FSTL4: variants seen among roughly 807,000 people sequenced by gnomAD.
The protein encoded by FSTL4 is follistatin-related protein 4.
A neutral mutation model predicts 78.2 loss-of-function variants in FSTL4; 28 were observed. That is an observed-to-expected ratio of 0.36 (90% confidence interval 0.27 to 0.49). The LOEUF (loss-of-function observed/expected upper bound fraction) is 0.49. Ranked by LOEUF, FSTL4 falls within the 20% of genes least tolerant of loss-of-function variation. The probability of loss-of-function intolerance (pLI) is 0.98; values close to 1 mark genes in which losing one functional copy is unlikely to be tolerated. For missense variants in FSTL4, 922 were observed against 1,084.9 expected (o/e 0.85, Z 2.11); for synonymous variants, 422 against 440.5 (o/e 0.96, Z 0.53).
intron 2 of FSTL4, among the ~76,000 whole-genome samples, chr5:133,572,266 T>C (rs765878092): frequency 6.6e-6 from 1 of 152,174 alleles, no homozygotes; most frequent in African/African-American, 2.4e-5. Context: ...CCATCTTTAG[T>C]TTTTAATTTT....
chr5:133,320,421 TC>T (rs1346911110), intron 4 of FSTL4, among the ~76,000 whole-genome samples: 3 of 151,912 alleles, frequency 2.0e-5, no homozygotes, highest in Admixed American at 6.6e-5. Context: ...AGCTAAAGGC[TC>T]CCTCCCCTCT....
chr5:133,461,375 A>G (rs1463466672), intron 3 of FSTL4, among the ~76,000 whole-genome samples: 1 of 152,220 alleles, frequency 6.6e-6, no homozygotes, highest in Non-Finnish European at 1.5e-5. Flanking sequence ...GGCCTCTTGC[A>G]AGGGACTTAA....
rs576846626 is a variant in FSTL4 at position 133,232,918 on chromosome 5, T to A, written c.1015+499A>T. Among the ~76,000 whole-genome samples the A allele has an allele frequency of 4.6e-5, 7 of 152,336 alleles. No individual in the cohort carries two copies. The East Asian group carries it at 1.3e-3, about 29-fold the overall frequency. On this transcript the variant is annotated intron_variant, in intron 8 of 15. Coordinates refer to ENST00000265342, the MANE Select transcript of FSTL4 (RefSeq NM_015082.2). The stretch of plus-strand genomic sequence containing the variant: ...AGCTTCCAAGCCTCAGTTTCTGTCC[T>A]GGCTTGGCTAAGATGAGGCTCATTG...
At chr5:133,805,828 G>A in the FSTL4 span, among the ~76,000 whole-genome samples, 1 of 152,212 alleles carries the variant, frequency 6.6e-6, no homozygotes, top group African/African-American at 2.4e-5. Flanking sequence ...CCAGCCCTCA[G>A]TTCCTTGCCA....
Position 133,468,828 on chromosome 5 carries a change from C to A in FSTL4, c.161-67842G>T, listed in dbSNP as rs571100147. 2.6e-5 allele frequency among the ~76,000 whole-genome samples: 4 copies of A among 152,290 alleles called. No individual in the cohort carries two copies. In the East Asian group the frequency reaches 7.7e-4, roughly 29 times the overall value. ...CCAGCTCAGTGCGGGAAACAGACGG[C>A]TACCCAACCAACATGCAGAATGACC... On this transcript the variant is annotated intron_variant, in intron 3 of 15. Coordinates refer to ENST00000265342, the MANE Select transcript of FSTL4 (RefSeq NM_015082.2).
intron 3 of FSTL4, among the ~76,000 whole-genome samples, chr5:133,482,255 C>T (rs1035879809): frequency 2.6e-5 from 4 of 152,204 alleles, no homozygotes; most frequent in African/African-American, 9.6e-5. Flanking sequence ...TCTGATAATC[C>T]AGACTATCCT....
intron 3 of FSTL4, among the ~76,000 whole-genome samples, chr5:133,421,200 G>T (rs553159679): frequency 6.6e-6 from 1 of 152,370 alleles, no homozygotes; most frequent in Non-Finnish European, 1.5e-5. Context: ...CAAGGGTATG[G>T]CTGTCACTGC....
intron 7 of FSTL4, among the ~76,000 whole-genome samples, chr5:133,243,394 T>G (rs565600309): frequency 5.3e-5 from 8 of 152,342 alleles, no homozygotes; most frequent in Non-Finnish European, 1.0e-4. Flanking sequence ...CAATTCCACG[T>G]GCTGGTCTCA....
the FSTL4 span, among the ~76,000 whole-genome samples, chr5:133,632,990 C>CCTCCACAGTTTTTAATA: frequency 2.0e-5 from 3 of 152,170 alleles, no homozygotes; most frequent in Non-Finnish European, 2.9e-5. Context: ...GCCTGCCCAG[C>CCTCCACAGTTTTTAATA]CTCCACAGTT....
chr5:133,729,813 A>AC, the FSTL4 span, among the ~76,000 whole-genome samples: 1 of 151,190 alleles, frequency 6.6e-6, no homozygotes, highest in Non-Finnish European at 1.5e-5. Context: ...GTATTACCCC[A>AC]CCCCCCAATC....
the FSTL4 span, among the ~76,000 whole-genome samples, chr5:133,683,814 G>C: frequency 6.6e-6 from 1 of 152,304 alleles, no homozygotes; most frequent in Middle Eastern, 3.4e-3. Context: ...GAAAGGCAAG[G>C]CACCTGCTTC....
intron 4 of FSTL4, among the ~76,000 whole-genome samples, chr5:133,385,043 C>T (rs1478606616): frequency 6.6e-6 from 1 of 152,164 alleles, no homozygotes; most frequent in Non-Finnish European, 1.5e-5. Flanking sequence ...ACAGACTGGA[C>T]GTGCTCCGTT....
chr5:133,411,191 A>G (rs1225498630), intron 3 of FSTL4, among the ~76,000 whole-genome samples: 3 of 152,194 alleles, frequency 2.0e-5, no homozygotes, highest in African/African-American at 7.2e-5. Context: ...GTTGCCTTCA[A>G]ACAGGCTATG....
intron 4 of FSTL4, among the ~76,000 whole-genome samples, chr5:133,351,180 GT>G (rs1754814792): frequency 6.6e-6 from 1 of 152,128 alleles, no homozygotes; most frequent in East Asian, 1.9e-4. Flanking sequence ...ATTCCATTGT[GT>G]TCTGGCATCT....
At chr5:133,545,811 A>G (rs1759562377) in intron 3 of FSTL4, among the ~76,000 whole-genome samples, 1 of 152,242 alleles carries the variant, frequency 6.6e-6, no homozygotes, top group Admixed American at 6.5e-5. Flanking sequence ...TGCAGAAGAG[A>G]AAACTAGGGA....
intron 7 of FSTL4, among the ~76,000 whole-genome samples, chr5:133,243,074 G>C (rs1159870095): frequency 6.6e-6 from 1 of 152,102 alleles, no homozygotes; most frequent in Non-Finnish European, 1.5e-5. Context: ...AGAATTATTT[G>C]TTCCTGGTTT....
At chr5:133,665,355 GA>G in the FSTL4 span, among the ~76,000 whole-genome samples, 108 of 152,302 alleles carry the variant, frequency 7.1e-4, no homozygotes, top group African/African-American at 2.4e-3. Context: ...TCTTGTTATA[GA>G]AAGAACAAGA....
intron 3 of FSTL4, among the ~76,000 whole-genome samples, chr5:133,442,357 T>C (rs1453298381): frequency 1.3e-5 from 2 of 152,210 alleles, no homozygotes; most frequent in Non-Finnish European, 2.9e-5. Flanking sequence ...ATTGTATAGT[T>C]GTGGTATCTG....
At chr5:133,698,117 A>T in the FSTL4 span, among the ~76,000 whole-genome samples, 1 of 152,204 alleles carries the variant, frequency 6.6e-6, no homozygotes, top group East Asian at 1.9e-4. Flanking sequence ...CTGACCCCTG[A>T]CTATCAAAGT....
Sources: allele counts gnomAD v4.1 joint callset (sites outside exome capture counted in the v4.1 genomes callset), GRCh38; gene constraint gnomAD v4.1.1; transcripts MANE v1.5; gene names NCBI Gene and HGNC (gene_info 2026-07-23, HGNC 2026-07-21).